Variants in CNTNAP2 observed in about 807,000 individuals in gnomAD.
The protein encoded by CNTNAP2 is contactin-associated protein-like 2.
A neutral mutation model predicts 155.2 loss-of-function variants in CNTNAP2; 98 were observed. The observed-to-expected ratio is 0.63, with a 90% confidence interval of 0.54 to 0.75. The LOEUF (loss-of-function observed/expected upper bound fraction) is 0.75, where lower values mean the gene tolerates loss of function less well. Among genes scored for constraint, CNTNAP2 ranks in the 30% least tolerant of loss-of-function variants. The pLI is 0.00. For missense variants in CNTNAP2, 1,727 were observed against 1,688.1 expected, an observed-to-expected ratio of 1.02 and a Z score of -0.40; for synonymous variants, 651 against 631.2, an observed-to-expected ratio of 1.03 and a Z score of -0.47.
intron 10 of CNTNAP2, among the ~76,000 whole-genome samples, chr7:147,407,899 G>A (rs1797036883): frequency 6.6e-6 from 1 of 152,202 alleles, no homozygotes; most frequent in African/African-American, 2.4e-5. Flanking sequence ...AAAATCAGAG[G>A]CATGAGCAGA....
At chr7:146,652,699 G>C (rs1448982998) in intron 1 of CNTNAP2, among the ~76,000 whole-genome samples, 3 of 152,108 alleles carry the variant, frequency 2.0e-5, no homozygotes, top group African/African-American at 7.2e-5. Flanking sequence ...TAGTAGAAAT[G>C]GGAATTTGAA....
At chr7:146,246,492 G>A (rs1438383007) in intron 1 of CNTNAP2, among the ~76,000 whole-genome samples, 2 of 150,192 alleles carry the variant, frequency 1.3e-5, no homozygotes, top group African/African-American at 5.0e-5. Flanking sequence ...ATGGAGGCAA[G>A]GGAAACAGGC....
chr7:146,400,724 T>C (rs1795702116), intron 1 of CNTNAP2, among the ~76,000 whole-genome samples: 1 of 152,206 alleles, frequency 6.6e-6, no homozygotes, highest in African/African-American at 2.4e-5. Context: ...GCTTTTTAAC[T>C]ATTAGTTGTT....
intron 8 of CNTNAP2, among the ~76,000 whole-genome samples, chr7:147,153,524 G>A (rs1162486168): frequency 6.6e-6 from 1 of 151,980 alleles, no homozygotes; most frequent in Non-Finnish European, 1.5e-5. Context: ...TAGATATCTG[G>A]GGGAAAAACA....
At chr7:146,144,042 G>A (rs918016250) in intron 1 of CNTNAP2, among the ~76,000 whole-genome samples, 1 of 152,158 alleles carries the variant, frequency 6.6e-6, no homozygotes, top group Admixed American at 6.5e-5. Flanking sequence ...GATTACAGGT[G>A]TGAGCCACCA....
intron 1 of CNTNAP2, among the ~76,000 whole-genome samples, chr7:146,564,150 G>A (rs188818068): frequency 1.1e-3 from 169 of 152,204 alleles, no homozygotes; most frequent in African/African-American, 3.8e-3. Context: ...AGAAGTAAAT[G>A]TACAATTTCC....
Position 147,816,432 on chromosome 7 carries a change from T to A in CNTNAP2, c.2099-87133T>A, listed in dbSNP as rs187111061. On this transcript the variant is annotated intron_variant, in intron 13 of 23. Coordinates refer to ENST00000361727, the MANE Select transcript of CNTNAP2 (RefSeq NM_014141.6). The stretch of plus-strand genomic sequence containing the variant: ...ATTAATTTTTTCATGTATTCTGATA[T>A]GATGAAAAAAATGACAGAACACATT... Among the ~76,000 whole-genome samples the A allele has an allele frequency of 3.4e-5, 5 of 149,096 alleles. No homozygotes were observed. The East Asian group carries it at 9.7e-4, about 29-fold the overall frequency.
intron 13 of CNTNAP2, among the ~76,000 whole-genome samples, chr7:147,713,248 A>G (rs560515060): frequency 6.6e-6 from 1 of 152,256 alleles, no homozygotes; most frequent in African/African-American, 2.4e-5. Flanking sequence ...AAATGCATGC[A>G]GTTGTATAAT....
At chr7:147,100,579 C>T (rs1438323727) in intron 4 of CNTNAP2, among the ~76,000 whole-genome samples, 1 of 152,114 alleles carries the variant, frequency 6.6e-6, no homozygotes, top group Non-Finnish European at 1.5e-5. Flanking sequence ...ACAAATAACT[C>T]CAGTGTAAGT....
rs535173437 is a variant in CNTNAP2 at position 146,738,123 on chromosome 7, A to G, written c.98-36148A>G. Among the ~76,000 whole-genome samples the G allele has an allele frequency of 5.3e-5, 8 of 152,182 alleles. No individual in the cohort carries two copies. The East Asian group carries it at 1.5e-3, about 29-fold the overall frequency. On this transcript the variant is annotated intron_variant, in intron 1 of 23. Transcript: ENST00000361727. ...GTTTTTCACAATTGTACTAATTTAT[A>G]TTCCCACAAATAGTGTGCATGGGTT... is the stretch of plus-strand genomic sequence containing the variant.
intron 10 of CNTNAP2, among the ~76,000 whole-genome samples, chr7:147,417,634 C>G (rs1292937657): frequency 6.6e-6 from 1 of 152,120 alleles, no homozygotes; most frequent in Non-Finnish European, 1.5e-5. Context: ...CTTTCCTTTT[C>G]TCATTTTTAT....
At chr7:146,226,495 CAA>C (rs1562997245) in intron 1 of CNTNAP2, among the ~76,000 whole-genome samples, 1 of 151,840 alleles carries the variant, frequency 6.6e-6, no homozygotes, top group Non-Finnish European at 1.5e-5. Flanking sequence ...CCCAAGTCTA[CAA>C]AAAATACAAA....
chr7:147,078,200 T>C (rs1800032479), intron 4 of CNTNAP2, among the ~76,000 whole-genome samples: 1 of 152,204 alleles, frequency 6.6e-6, no homozygotes. Context: ...AAGAATTACA[T>C]GTATAATGAA....
At chr7:146,802,681 C>T (rs566285772) in intron 2 of CNTNAP2, among the ~76,000 whole-genome samples, 25 of 152,264 alleles carry the variant, frequency 1.6e-4, no homozygotes, top group African/African-American at 5.1e-4. Flanking sequence ...TTCCTGAGGC[C>T]TCCCAGCCCT....
intron 1 of CNTNAP2, among the ~76,000 whole-genome samples, chr7:146,346,802 C>T (rs1189392542): frequency 6.6e-6 from 1 of 152,138 alleles, no homozygotes; most frequent in African/African-American, 2.4e-5. Flanking sequence ...TACCCTACAC[C>T]CAAGTTTCAT....
At chr7:147,599,680 T>A (rs183207582) in intron 12 of CNTNAP2, among the ~76,000 whole-genome samples, 1 of 152,244 alleles carries the variant, frequency 6.6e-6, no homozygotes, top group East Asian at 1.9e-4. Context: ...TTCTTTGGCA[T>A]GTCACTGCAT....
At chr7:147,711,257 C>T (rs1007399241) in intron 13 of CNTNAP2, among the ~76,000 whole-genome samples, 1 of 152,140 alleles carries the variant, frequency 6.6e-6, no homozygotes, top group Admixed American at 6.5e-5. Context: ...GAGTCTTATA[C>T]TGAATTTGAA....
At chr7:146,862,255 C>T (rs1159715656) in intron 3 of CNTNAP2, among the ~76,000 whole-genome samples, 1 of 151,796 alleles carries the variant, frequency 6.6e-6, no homozygotes, top group East Asian at 1.9e-4. Flanking sequence ...TAATTCTTTA[C>T]TTAAATCTCA....
At chr7:147,083,011 A>T (rs962851074) in intron 4 of CNTNAP2, 1 of 152,094 alleles carries the variant, frequency 6.6e-6, no homozygotes, top group Non-Finnish European at 1.5e-5. Context: ...GGCCTTCCCA[A>T]AGGTGTTCTC....
Sources: gnomAD v4.1 joint callset for allele counts (sites outside exome capture counted in the v4.1 genomes callset) on GRCh38, gnomAD v4.1.1 for gene constraint, MANE v1.5 for transcripts, NCBI Gene and HGNC (gene_info 2026-07-23, HGNC 2026-07-21) for gene names.